Variants in SCML4 observed in about 807,000 individuals in gnomAD.
SCML4 encodes the protein sex comb on midleg-like protein 4.
Under a neutral mutation model 41.1 loss-of-function variants are expected in SCML4, and 34 were observed. The observed-to-expected ratio is 0.83, with a 90% CI of 0.63 to 1.10. The LOEUF is 1.10. Ranked by LOEUF, SCML4 falls within the 50% of genes least tolerant of loss-of-function variation. SCML4 has a pLI of 0.00. For synonymous variants in SCML4, 214 were observed against 220.9 expected (o/e 0.97, Z 0.28); for missense variants, 522 against 534.1 (o/e 0.98, Z 0.22).
chr6:107,802,988 C>T (rs375957649), intron 1 of SCML4, among the ~76,000 whole-genome samples: 1 of 151,590 alleles, frequency 6.6e-6, no homozygotes, highest in Non-Finnish European at 1.5e-5. Context: ...GCGAGTGATC[C>T]GCCAGCCTCG....
At chr6:107,742,282 C>A (rs1466206644) in intron 5 of SCML4, among the ~76,000 whole-genome samples, 1 of 152,128 alleles carries the variant, frequency 6.6e-6, no homozygotes, top group Admixed American at 6.5e-5. Context: ...AGATCACTTA[C>A]AGGATATAGA....
At chr6:107,822,774 C>T (rs1486688646) in intron 1 of SCML4, among the ~76,000 whole-genome samples, 1 of 152,130 alleles carries the variant, frequency 6.6e-6, no homozygotes, top group Non-Finnish European at 1.5e-5. Flanking sequence ...CCACCAATTT[C>T]CCTAAAACTG....
chr6:107,721,818 T>C (rs1438339560), intron 5 of SCML4, among the ~76,000 whole-genome samples: 1 of 152,092 alleles, frequency 6.6e-6, no homozygotes, highest in Non-Finnish European at 1.5e-5. Context: ...CCGCCACGGC[T>C]AACAAGCAGG....
chr6:107,830,533 G>A, the SCML4 span, among the ~76,000 whole-genome samples: 38 of 152,226 alleles, frequency 2.5e-4, no homozygotes, highest in Non-Finnish European at 1.0e-4. Context: ...CAAGATGGCA[G>A]GGAATAGGTC....
chr6:107,839,557 T>A, the SCML4 span, among the ~76,000 whole-genome samples: 1 of 152,082 alleles, frequency 6.6e-6, no homozygotes, highest in Non-Finnish European at 1.5e-5. Flanking sequence ...CTGATGAAAA[T>A]CTTATAGAAT....
At chr6:107,829,247 A>T (rs1785333204), upstream of SCML4, among the ~76,000 whole-genome samples, 2 of 152,052 alleles carry the variant, frequency 1.3e-5, no homozygotes, top group African/African-American at 4.8e-5. Context: ...TTAACCAGGC[A>T]TGGTGGTGCG....
At chr6:107,801,935 T>G (rs1055199613) in intron 1 of SCML4, among the ~76,000 whole-genome samples, 1 of 151,938 alleles carries the variant, frequency 6.6e-6, no homozygotes, top group African/African-American at 2.4e-5. Context: ...TGGCTAATTT[T>G]TTTTTTTTTG....
chr6:107,766,397 C>G (rs529907402), intron 2 of SCML4, among the ~76,000 whole-genome samples: 1 of 150,178 alleles, frequency 6.7e-6, no homozygotes, highest in Non-Finnish European at 1.5e-5. Context: ...GGGTTCAAGG[C>G]TGCAGTGAGC....
intron 1 of SCML4, among the ~76,000 whole-genome samples, chr6:107,790,772 G>A (rs543168286): frequency 6.6e-6 from 1 of 152,002 alleles, no homozygotes; most frequent in Non-Finnish European, 1.5e-5. Flanking sequence ...TCCCACAAAG[G>A]TCAAAGCACC....
intron 2 of SCML4, among the ~76,000 whole-genome samples, chr6:107,752,385 A>C (rs1316459263): frequency 6.6e-6 from 1 of 152,054 alleles, no homozygotes; most frequent in African/African-American, 2.4e-5. Flanking sequence ...GAAGATGTAC[A>C]TTTGGGAATC....
chr6:107,789,293 G>A (rs910061238), intron 1 of SCML4, among the ~76,000 whole-genome samples: 2 of 152,196 alleles, frequency 1.3e-5, no homozygotes, highest in Non-Finnish European at 1.5e-5. Flanking sequence ...ACAGGGACGT[G>A]AAGATGAACC....
At chr6:107,791,689 C>T (rs1314218175) in intron 1 of SCML4, among the ~76,000 whole-genome samples, 3 of 152,216 alleles carry the variant, frequency 2.0e-5, no homozygotes, top group Admixed American at 1.3e-4. Context: ...CACAGTGGCT[C>T]ATGCCTGTAA....
chr6:107,708,611 C>T (rs1407990703), intron 6 of SCML4, among the ~76,000 whole-genome samples: 1 of 152,182 alleles, frequency 6.6e-6, no homozygotes, highest in African/African-American at 2.4e-5. Flanking sequence ...AAGAAGATGT[C>T]CCCTCACTCA....
chr6:107,742,796 A>G (rs1381231712), intron 5 of SCML4, among the ~76,000 whole-genome samples: 1 of 143,794 alleles, frequency 7.0e-6, no homozygotes, highest in Non-Finnish European at 1.5e-5. Flanking sequence ...AAGAAATGCT[A>G]AAGGCAGTTT....
At position 107,803,224 on chromosome 6, in the gene SCML4, C is replaced by CACCTCT. The variant is rs1783382114; in HGVS notation, c.-60+20901_-60+20902insAGAGGT. ...CGCCCATCGTCTGAGATGTGGGGAG[C>CACCTCT]GCCTCTGCCCGGCCGCCCTGTCTGA... On this transcript the variant is annotated intron_variant, in intron 1 of 7. Transcript: ENST00000369020. 4.0e-5 allele frequency among the ~76,000 whole-genome samples: 5 copies of CACCTCT among 125,724 alleles called. No homozygotes were observed. The East Asian group carries it at 6.7e-4, about 17-fold the overall frequency. 82.5% of individuals were successfully genotyped at this position (125,724 alleles called of 152,430 possible).
chr6:107,796,521 T>C (rs1022140334), intron 1 of SCML4, among the ~76,000 whole-genome samples: 1 of 152,212 alleles, frequency 6.6e-6, no homozygotes, highest in African/African-American at 2.4e-5. Context: ...CTGTAGGAGT[T>C]CTTTATATAT....
In SCML4 at chr6:107,802,620, A is replaced by AAGGT. The variant is rs1288469286; in HGVS notation, c.-60+21505_-60+21506insACCT. ...GAAGGAAGGAAGGAAGGAAGGAAGGAAGGAAGGAAGGAAGGAAAGAAAATT... is the reference window on the plus strand; with the variant it reads ...GAAGGAAGGAAGGAAGGAAGGAAGGAAGGTAGGAAGGAAGGAAGGAAAGAAAATT... On this transcript the variant is annotated intron_variant, in intron 1 of 7. Transcript: ENST00000369020. Among the ~76,000 whole-genome samples, 1,280 of 139,924 alleles carry AAGGT rather than the reference A, an allele frequency of 9.1e-3. 51 individuals carry two copies. The highest frequency in any genetic ancestry group is 0.034 in the African/African-American group (1,196 of 35,410). The allele number at this position is 139,924 out of a possible 152,430, so 91.8% of individuals were successfully genotyped here.
At chr6:107,773,305 G>A (rs1409502045) in intron 1 of SCML4, among the ~76,000 whole-genome samples, 4 of 152,072 alleles carry the variant, frequency 2.6e-5, no homozygotes, top group South Asian at 2.1e-4. Context: ...TAATAAGGCC[G>A]GGCACACCAG....
chr6:107,751,606 CTT>C (rs1243007120), intron 2 of SCML4, among the ~76,000 whole-genome samples: 1 of 144,028 alleles, frequency 6.9e-6, no homozygotes, highest in Non-Finnish European at 1.5e-5. Flanking sequence ...TTCTTTCTTT[CTT>C]TCTTTCTTTC....
Sources: allele counts gnomAD v4.1 joint callset (sites outside exome capture counted in the v4.1 genomes callset), GRCh38; gene constraint gnomAD v4.1.1; transcripts MANE v1.5; gene names NCBI Gene and HGNC (gene_info 2026-07-23, HGNC 2026-07-21).